CARS1: variants seen among roughly 807,000 people sequenced by gnomAD.
CARS1 encodes cysteinyl-tRNA synthetase 1.
A neutral mutation model predicts 106.2 loss-of-function variants in CARS1; 48 were observed. That is an observed-to-expected ratio of 0.45 (90% CI 0.36 to 0.57). The LOEUF is 0.57. CARS1 is among the 20% of genes least tolerant of loss of function. The pLI is 0.00. For missense variants in CARS1, 968 were observed against 1,057.2 expected, an observed-to-expected ratio of 0.92 and a Z score of 1.17; for synonymous variants, 409 against 403.4, an observed-to-expected ratio of 1.01 and a Z score of -0.17.
intron 7 of CARS1, among the ~76,000 whole-genome samples, chr11:3,031,970 C>G (rs1007366881): frequency 2.3e-4 from 35 of 149,528 alleles, no homozygotes; most frequent in African/African-American, 8.6e-4. Flanking sequence ...CCAGTGCACT[C>G]TGTTCTTTTC....
At position 3,037,707 on chromosome 11, in the gene CARS1, A is replaced by G. The variant is rs1853851113; in HGVS notation, c.801+343T>C. ...CTCCTTCTCCAGCTGGTGTGGGGAG[A>G]GTCCGCTGGAGAATCTTGGAACACT... On this transcript the variant is annotated intron_variant, in intron 7 of 22. Transcript: ENST00000380525. This position sits in a 1 kb window ranked among gnomAD's most constrained non-coding sequence, Gnocchi z 5.9. Among the ~76,000 whole-genome samples the G allele has an allele frequency of 6.6e-6, 1 of 152,130 alleles. No individual in the cohort carries two copies. The highest frequency in any genetic ancestry group is 1.5e-5 in the Non-Finnish European group (1 of 68,016).
chr11:3,013,840 T>C (rs12421922), intron 17 of CARS1, among the ~76,000 whole-genome samples: 48,478 of 151,652 alleles, frequency 0.32, 9,620 homozygotes, highest in East Asian at 0.63. Context: ...GAAAGAAGAG[T>C]TTTTGTTCGC....
At position 3,047,740 on chromosome 11, in the gene CARS1, C is replaced by T. The variant is rs748885664; in HGVS notation, c.274+13G>A. On this transcript the variant is annotated intron_variant, in intron 2 of 22. Transcript: ENST00000380525. ...GAGGTTCTAATGGCCAGGGAACCCA[C>T]TCTGTTACTCACTTGCTTGGAGCCT... 1.1e-5 allele frequency: 17 copies of T among 1,599,028 alleles called. No individual in the cohort carries two copies. The South Asian group carries it at 1.8e-4, about 17-fold the overall frequency.
intron 1 of CARS1, chr11:3,054,926 T>C: frequency 1.4e-6 from 1 of 702,612 alleles, no homozygotes; most frequent in Non-Finnish European, 2.6e-6. Flanking sequence ...GGAAAGGCCC[T>C]GAGGTAGGCT....
At position 3,028,873 on chromosome 11, in the gene CARS1, C is replaced by G. The variant is rs1019447528; in HGVS notation, c.1031+123G>C. On this transcript the variant is annotated intron_variant, in intron 9 of 22. Transcript: ENST00000380525. This position sits in a 1 kb window ranked among gnomAD's most constrained non-coding sequence, Gnocchi z 4.4. Reference sequence around the variant, plus strand: ...TGTAGGAGGAAGTCTGCTGGGACTTCTAGCTACGCAGCCCCAGAACACCTG... The same window carrying G: ...TGTAGGAGGAAGTCTGCTGGGACTTGTAGCTACGCAGCCCCAGAACACCTG... 8.3e-6 allele frequency: 6 copies of G among 726,388 alleles called. No individual in the cohort carries two copies. The highest frequency in any genetic ancestry group is 1.5e-5 in the Non-Finnish European group (6 of 409,976). 45.0% of individuals were successfully genotyped at this position (726,388 alleles called of 1,614,324 possible). A position where few individuals can be genotyped will look rare whatever the true frequency, so the allele number is the denominator to read the frequency against.
In CARS1 at chr11:3,039,705, G is replaced by A; in HGVS notation, c.552+130C>T. On this transcript the variant is annotated intron_variant, in intron 5 of 22. Transcript: ENST00000380525. The surrounding 1 kb of genome is among the most constrained non-coding windows in gnomAD (Gnocchi z 5.6). Reference sequence around the variant, plus strand: ...AGTGGTAATATTAACTCACTGAGGGGATTAAAATGATGTTTATCAGGTGAA... The same window carrying A: ...AGTGGTAATATTAACTCACTGAGGGAATTAAAATGATGTTTATCAGGTGAA... 1 of 574,432 alleles carries A rather than the reference G, an allele frequency of 1.7e-6. No homozygotes were observed. Among genetic ancestry groups the A allele is most frequent in the African/African-American group, 1.9e-5 (1 of 51,910 alleles). The allele number at this position is 574,432 out of a possible 1,614,324, so 35.6% of individuals were successfully genotyped here.
chr11:3,055,859 C>T (rs561339165), intron 1 of CARS1, among the ~76,000 whole-genome samples: 4 of 152,342 alleles, frequency 2.6e-5, no homozygotes, highest in African/African-American at 9.6e-5. Context: ...AATTCATTTA[C>T]ACTCCATGCT....
In CARS1 at chr11:3,040,801, T is replaced by C. The variant is rs1565094228; in HGVS notation, c.455+95A>G. 2.3e-6 allele frequency: 3 copies of C among 1,284,532 alleles called. No homozygotes were observed. Among genetic ancestry groups the C allele is most frequent in the Admixed American group, 2.0e-5 (1 of 49,272 alleles). The allele number at this position is 1,284,532 out of a possible 1,614,324, so 79.6% of individuals were successfully genotyped here. On this transcript the variant is annotated intron_variant, in intron 4 of 22. Coordinates refer to ENST00000380525, the MANE Select transcript of CARS1 (RefSeq NM_001014437.3). This position sits in a 1 kb window ranked among gnomAD's most constrained non-coding sequence, Gnocchi z 5.8. ...TCAGGTCTCTGTAGCAGATCTAAGA[T>C]CTTTGTGGACCTAAGATCGCTGCTG...
chr11:3,051,351 T>G (rs182743401), intron 1 of CARS1, among the ~76,000 whole-genome samples: 18 of 152,208 alleles, frequency 1.2e-4, no homozygotes, highest in African/African-American at 4.1e-4. Context: ...ATCCCCACAG[T>G]TACAGGCCCA....
At chr11:3,057,036 G>C (rs1188396446) in intron 1 of CARS1, among the ~76,000 whole-genome samples, 1 of 151,992 alleles carries the variant, frequency 6.6e-6, no homozygotes, top group Non-Finnish European at 1.5e-5. Flanking sequence ...GTTGTCCTTC[G>C]GATCCTAGGA....
rs1018385606 is a variant in CARS1, at chr11:3,003,270, T to C, written c.2218-670A>G. On this transcript the variant is annotated intron_variant, in intron 20 of 22. Transcript: ENST00000380525. This position sits in a 1 kb window ranked among gnomAD's most constrained non-coding sequence, Gnocchi z 4.8. ...CTCCACTGACGGAAAAGGAGCAAGTTTGGGGAGTTGAAAATCACATTTTCA... is the reference window on the plus strand; with the variant it reads ...CTCCACTGACGGAAAAGGAGCAAGTCTGGGGAGTTGAAAATCACATTTTCA... Among the ~76,000 whole-genome samples, 7 of 152,136 alleles carry C rather than the reference T, an allele frequency of 4.6e-5. No homozygotes were observed. The highest frequency in any genetic ancestry group is 8.8e-5 in the Non-Finnish European group (6 of 68,026).
chr11:3,042,026 G>A (rs949111584), intron 3 of CARS1, 139 bp downstream of exon 3: 12 of 602,616 alleles, frequency 2.0e-5, no homozygotes, highest in African/African-American at 1.7e-4. Context: ...GTGACTGAAG[G>A]ATCTTAAACC....
chr11:3,041,491 C>T lies in CARS1; in HGVS notation c.367-507G>A, dbSNP rs1854446716. On this transcript the variant is annotated intron_variant, in intron 3 of 22. Coordinates refer to ENST00000380525, the MANE Select transcript of CARS1 (RefSeq NM_001014437.3). The surrounding 1 kb of genome is among the most constrained non-coding windows in gnomAD (Gnocchi z 4.9). ...CCAGGACCCCTGAATCGTGGTGCTG[C>T]TCTGGCACCACTCCCCAACATCCCA... Among the ~76,000 whole-genome samples the T allele has an allele frequency of 6.6e-6, 1 of 152,094 alleles. No individual in the cohort carries two copies. Among genetic ancestry groups the T allele is most frequent in the African/African-American group, 2.4e-5 (1 of 41,408 alleles).
At position 3,045,553 on chromosome 11, in the gene CARS1, C is replaced by A. The variant is rs773842877; in HGVS notation, c.274+2200G>T. 9.2e-5 allele frequency among the ~76,000 whole-genome samples: 14 copies of A among 152,174 alleles called. No individual in the cohort carries two copies. Among genetic ancestry groups the A allele is most frequent in the East Asian group, 3.9e-4 (2 of 5,186 alleles). The stretch of plus-strand genomic sequence containing the variant: ...TGCTGGGATTACAGGAGTGAGCCAC[C>A]GCGCCGGGCCAAGCAGAGTCTTTCC... On this transcript the variant is annotated intron_variant, in intron 2 of 22. Transcript: ENST00000380525. The surrounding 1 kb of genome is among the most constrained non-coding windows in gnomAD (Gnocchi z 5.6).
chr11:3,032,104 A>C (rs1852914483), intron 7 of CARS1, among the ~76,000 whole-genome samples: 1 of 139,512 alleles, frequency 7.2e-6, no homozygotes, highest in East Asian at 2.2e-4. Context: ...GATGGAGTCT[A>C]GCTCTGTCAC....
chr11:3,002,168 C>G, intron 21 of CARS1, 115 bp from the exon 22 acceptor site: 1 of 764,166 alleles, frequency 1.3e-6, no homozygotes, highest in Non-Finnish European at 2.3e-6. Context: ...CCCTCAGATT[C>G]AGAGTGCTAT....
In CARS1 at chr11:3,028,741, G is replaced by A. The variant is rs1852379784; in HGVS notation, c.1031+255C>T. On this transcript the variant is annotated intron_variant, in intron 9 of 22. Coordinates refer to ENST00000380525, the MANE Select transcript of CARS1 (RefSeq NM_001014437.3). The surrounding 1 kb of genome is among the most constrained non-coding windows in gnomAD (Gnocchi z 4.4). ...TATGCAGCTCTGGGGCCCCATGACT[G>A]ATGGTCTTGGCTGCCGAGCTTCCCA... 3 of 521,772 alleles carry A rather than the reference G, an allele frequency of 5.7e-6. No homozygotes were observed. Among genetic ancestry groups the A allele is most frequent in the Non-Finnish European group, 6.8e-6 (2 of 295,560 alleles). 32.3% of individuals were successfully genotyped at this position (521,772 alleles called of 1,614,324 possible). A position where few individuals can be genotyped will look rare whatever the true frequency, so the allele number is the denominator to read the frequency against.
chr11:3,044,755 G>A lies in CARS1; in HGVS notation c.275-2499C>T, dbSNP rs1476658860. Among the ~76,000 whole-genome samples the A allele has an allele frequency of 6.6e-6, 1 of 152,116 alleles. No homozygotes were observed. The highest frequency in any genetic ancestry group is 1.5e-5 in the Non-Finnish European group (1 of 68,030). On this transcript the variant is annotated intron_variant, in intron 2 of 22. Transcript: ENST00000380525. This position sits in a 1 kb window ranked among gnomAD's most constrained non-coding sequence, Gnocchi z 4.4. ...TTCGTTGATTCCAGAGTCCCACCCT[G>A]ACCTGAGTGATCCAACAACAGACCA...
chr11:3,016,458 T>C (rs1158951678), intron 16 of CARS1, among the ~76,000 whole-genome samples: 4 of 151,916 alleles, frequency 2.6e-5, no homozygotes, highest in Non-Finnish European at 5.9e-5. Flanking sequence ...CTCCTGACCT[T>C]GTGATCCGCC....
Sources: gnomAD v4.1 joint callset for allele counts (sites outside exome capture counted in the v4.1 genomes callset) on GRCh38, gnomAD v4.1.1 for gene constraint, Gnocchi (gnomAD v3.1) non-coding constraint, MANE v1.5 for transcripts, NCBI Gene and HGNC (gene_info 2026-07-23, HGNC 2026-07-21) for gene names.